Variants in MSX2 observed in about 807,000 individuals in gnomAD.
MSX2 encodes msh homeobox 2.
A neutral mutation model predicts 18.4 loss-of-function variants in MSX2; 10 were observed. That is an observed-to-expected ratio of 0.54 (90% CI 0.34 to 0.92). The LOEUF (loss-of-function observed/expected upper bound fraction) is 0.92, where lower values mean the gene tolerates loss of function less well. Among genes scored for constraint, MSX2 ranks in the 40% least tolerant of loss-of-function variants. MSX2 has a pLI of 0.02. For missense variants in MSX2, 339 were observed against 364.0 expected (o/e 0.93, Z 0.56); for synonymous variants, 170 against 165.6 (o/e 1.03, Z -0.20).
intron 1 of MSX2, among the ~76,000 whole-genome samples, 164 bp from the exon 2 acceptor site, chr5:174,728,995 G>GTATA (rs367836491): frequency 2.0e-5 from 3 of 150,398 alleles, no homozygotes; most frequent in Non-Finnish European, 4.4e-5. Flanking sequence ...GTGTGTGTGT[G>GTATA]TATATGTATG....
rs59742982 is a variant in MSX2 at position 174,728,967 on chromosome 5, ATG to A, written c.380-164_380-163del. On this transcript the variant is annotated intron_variant, in intron 1 of 1. Transcript: ENST00000239243. ...AAAGTATGTCTTTCCATACATAGAT[ATG>A]TGTGTGTGTGTGTGTGTGTGTGTGT... Among the ~76,000 whole-genome samples the A allele has an allele frequency of 0.021, 3,063 of 145,478 alleles. 49 individuals carry two copies. The highest frequency in any genetic ancestry group is 0.027 in the Non-Finnish European group (1,770 of 65,426).
chr5:174,729,026 G>A, intron 1 of MSX2, 133 bp from the exon 2 acceptor site: 1 of 741,078 alleles, frequency 1.3e-6, no homozygotes, highest in African/African-American at 1.8e-5. Context: ...TTTTTTTAAA[G>A]CTAAGTGCTT....
chr5:174,729,176 AC>A lies in MSX2; in HGVS notation c.399del (p.Cys134AlafsTer3). On this transcript the variant is annotated frameshift_variant, in exon 2 of 2. Coordinates refer to ENST00000239243, the MANE Select transcript of MSX2 (RefSeq NM_002449.5). LOFTEE classifies it high-confidence loss of function. ...SPPPRHMSPT[T>X]CTLRKHKTNR... The stretch of plus-strand genomic sequence containing the variant: ...TTCTCTAGGACATATGAGCCCTACC[AC>A]CTGCACCCTGAGGAAACACAAGACC... 6.2e-7 allele frequency: 1 copy of A among 1,613,996 alleles called. No homozygotes were observed. The highest frequency in any genetic ancestry group is 8.5e-7 in the Non-Finnish European group (1 of 1,180,018).
In MSX2 at chr5:174,724,724, C is replaced by G. The variant is rs754048064; in HGVS notation, c.65C>G (p.Ala22Gly). 4.4e-6 allele frequency: 7 copies of G among 1,590,218 alleles called. No homozygotes were observed. The South Asian group carries it at 8.0e-5, about 18-fold the overall frequency. ...SPDEEGPAVV[A>G]GPGPGPGGAE... is the part of the protein sequence containing the mutation. ...GACGAGGAGGGCCCAGCAGTGGTGG[C>G]CGGACCAGGCCCGGGGCCTGGGGGC... Residue 22 changes from alanine to glycine, a missense_variant, in exon 1 of 2, where the codon GCC becomes GGC. Physicochemically the swap from Ala to Gly is moderately conservative, Grantham distance 60 (BLOSUM62 0). Around this residue, in one of 2 missense-constraint regions of MSX2, gnomAD observed 211 missense variants for 185.4 expected, o/e 1.14. Coordinates refer to ENST00000239243, the MANE Select transcript of MSX2 (RefSeq NM_002449.5).
rs764763706 is a variant in MSX2 at position 174,729,129 on chromosome 5, T to G, written c.380-30T>G. The G allele has an allele frequency of 4.4e-6, 7 of 1,607,858 alleles. No homozygotes were observed. In the African/African-American group the frequency reaches 9.4e-5, roughly 21 times the overall value. ...GTATTATTTTAATGTAACTTTCTTT[T>G]GCTAATCCGCTCCTCTCTCTGTTCT... is the stretch of plus-strand genomic sequence containing the variant. On this transcript the variant is annotated intron_variant, in intron 1 of 1. Coordinates refer to ENST00000239243, the MANE Select transcript of MSX2 (RefSeq NM_002449.5).
In MSX2 at chr5:174,729,743, T is replaced by G; in HGVS notation, c.*160T>G. The G allele has an allele frequency of 1.4e-6, 1 of 711,490 alleles. No homozygotes were observed. Among genetic ancestry groups the G allele is most frequent in the South Asian group, 1.7e-5 (1 of 57,604 alleles). The allele number at this position is 711,490 out of a possible 1,614,324, so 44.1% of individuals were successfully genotyped here. On this transcript the variant is annotated 3_prime_UTR_variant, in exon 2 of 2. Coordinates refer to ENST00000239243, the MANE Select transcript of MSX2 (RefSeq NM_002449.5). The stretch of plus-strand genomic sequence containing the variant: ...AGGGCCACACGACATAGCTGAAATT[T>G]GTTCTGTAGGCGGAGGCACCAAGCC...
chr5:174,729,093 G>C (rs1035154415), intron 1 of MSX2, 66 bp from the exon 2 acceptor site: 55 of 1,524,196 alleles, frequency 3.6e-5, no homozygotes, highest in Admixed American at 5.4e-5. Context: ...GGGGGAGATG[G>C]GTTTTTTTTA....
intron 1 of MSX2, 48 bp downstream of exon 1, chr5:174,725,086 G>A (rs745346979): frequency 1.3e-6 from 2 of 1,599,714 alleles, no homozygotes; most frequent in Non-Finnish European, 1.7e-6. Flanking sequence ...GGGTACTGGA[G>A]GGAGCGGGGG....
At chr5:174,725,077 G>A (rs754269248) in intron 1 of MSX2, 39 bp downstream of exon 1, 17 of 1,604,282 alleles carry the variant, frequency 1.1e-5, no homozygotes, top group Admixed American at 1.7e-5. Context: ...GGTAGCGCGG[G>A]GTACTGGAGG....
chr5:174,727,062 C>CA (rs947382651), intron 1 of MSX2, among the ~76,000 whole-genome samples: 30 of 106,316 alleles, frequency 2.8e-4, no homozygotes, highest in African/African-American at 5.3e-4. Context: ...TAAAAAAAAA[C>CA]AAAAAAACAA....
rs10044147 is a variant in MSX2, at chr5:174,730,241, C to T, written c.*658C>T. 0.033 allele frequency: 5,050 copies of T among 151,954 alleles called. 232 individuals are homozygous for T. The highest frequency in any genetic ancestry group is 0.11 in the African/African-American group (4,500 of 41,386). 9.4% of individuals were successfully genotyped at this position (151,954 alleles called of 1,614,324 possible). ...CCGCCCCCCACCGCCCCACCACACA[C>T]ATATTTTTAAAGTTTTTCCTTTTTT... is the stretch of plus-strand genomic sequence containing the variant. On this transcript the variant is annotated 3_prime_UTR_variant, in exon 2 of 2. Coordinates refer to ENST00000239243, the MANE Select transcript of MSX2 (RefSeq NM_002449.5).
Position 174,724,857 on chromosome 5 carries a change from GGCCGAAAGC to G in MSX2, c.202_210del (p.Glu68_Ala70del), listed in dbSNP as rs1760744425. 6.4e-7 allele frequency: 1 copy of G among 1,552,978 alleles called. No individual in the cohort carries two copies. The highest frequency in any genetic ancestry group is 1.4e-5 in the African/African-American group (1 of 73,512). ...CGCCCAAGGAGGCGTCCCCGCTGCCGGCCGAAAGCGCCTCGGCCGGGGCCACCCTGCGGC... is the reference window on the plus strand; with the variant it reads ...CGCCCAAGGAGGCGTCCCCGCTGCCGGCCTCGGCCGGGGCCACCCTGCGGC... On this transcript the variant is annotated inframe_deletion, in exon 1 of 2. Coordinates refer to ENST00000239243, the MANE Select transcript of MSX2 (RefSeq NM_002449.5).
chr5:174,729,787 C>A lies in MSX2; in HGVS notation c.*204C>A, dbSNP rs1760886812. On this transcript the variant is annotated 3_prime_UTR_variant, in exon 2 of 2. Coordinates refer to ENST00000239243, the MANE Select transcript of MSX2 (RefSeq NM_002449.5). ...CCAAGCCCTGTTTTCTTGGTGTAATCTTCCAGATGCCCCCTTTTCCTTTCA... is the reference window on the plus strand; with the variant it reads ...CCAAGCCCTGTTTTCTTGGTGTAATATTCCAGATGCCCCCTTTTCCTTTCA... 7.8e-6 allele frequency: 4 copies of A among 513,388 alleles called. No individual in the cohort carries two copies. Among genetic ancestry groups the A allele is most frequent in the Non-Finnish European group, 1.4e-5 (4 of 288,944 alleles). The allele number at this position is 513,388 out of a possible 1,614,324, so 31.8% of individuals were successfully genotyped here.
Position 174,729,375 on chromosome 5 carries a change from G to A in MSX2, c.596G>A (p.Arg199Lys). The A allele has an allele frequency of 6.2e-7, 1 of 1,614,206 alleles. No homozygotes were observed. The highest frequency in any genetic ancestry group is 2.2e-5 in the East Asian group (1 of 44,874). ...WFQNRRAKAK[R>K]LQEAELEKLK... ...CAGAACCGAAGGGCCAAGGCGAAAA[G>A]ACTGCAGGAGGCAGAACTGGAAAAG... The change falls in exon 2 of 2, where the codon AGA becomes AAA. Residue 199 changes from arginine (R) to lysine (K), a missense_variant. Arg to Lys is a conservative substitution (Grantham distance 26). This residue lies in a region of MSX2 where 128 missense variants were observed against 178.6 expected (regional missense o/e 0.72). Coordinates refer to ENST00000239243, the MANE Select transcript of MSX2 (RefSeq NM_002449.5).
At position 174,729,469 on chromosome 5, in the gene MSX2, G is replaced by A; in HGVS notation, c.690G>A (p.Leu230=). Residue 230 remains leucine (L), a synonymous_variant, in exon 2 of 2, where the codon CTG becomes CTA. Transcript: ENST00000239243. ...FSLPFPISSP[L]QAASIYGASY... The stretch of plus-strand genomic sequence containing the variant: ...TCCCTTTCCCCATCAGCTCGCCCCT[G>A]CAGGCAGCGTCCATATATGGAGCAT... 2 of 1,613,986 alleles carry A rather than the reference G, an allele frequency of 1.2e-6. No individual in the cohort carries two copies. Among genetic ancestry groups the A allele is most frequent in the Non-Finnish European group, 1.7e-6 (2 of 1,179,870 alleles).
chr5:174,728,473 A>G (rs1760850805), intron 1 of MSX2, among the ~76,000 whole-genome samples: 2 of 152,232 alleles, frequency 1.3e-5, no homozygotes, highest in African/African-American at 2.4e-5. Context: ...CAAAGATGCT[A>G]TTAATTTACC....
In MSX2 at chr5:174,729,646, C is replaced by G; in HGVS notation, c.*63C>G. The G allele has an allele frequency of 6.5e-7, 1 of 1,549,316 alleles. No homozygotes were observed. On this transcript the variant is annotated 3_prime_UTR_variant, in exon 2 of 2. Coordinates refer to ENST00000239243, the MANE Select transcript of MSX2 (RefSeq NM_002449.5). Reference sequence around the variant, plus strand: ...TTTCAAAGGGTTTCCTCTCCCTCTCCACGAAGGCAGTACCAGCCAGTACTC... The same window carrying G: ...TTTCAAAGGGTTTCCTCTCCCTCTCGACGAAGGCAGTACCAGCCAGTACTC...
rs1196261944 is a variant in MSX2, at chr5:174,729,486, A to G, written c.707A>G (p.Tyr236Cys). 2 of 1,613,876 alleles carry G rather than the reference A, an allele frequency of 1.2e-6. No individual in the cohort carries two copies. The highest frequency in any genetic ancestry group is 1.7e-6 in the Non-Finnish European group (2 of 1,179,850). The change falls in exon 2 of 2, where the codon TAT (tyrosine) becomes TGT (cysteine). Residue 236 changes from tyrosine (Y) to cysteine (C), a missense_variant. Coordinates refer to ENST00000239243, the MANE Select transcript of MSX2 (RefSeq NM_002449.5). ...TCGCCCCTGCAGGCAGCGTCCATAT[A>G]TGGAGCATCCTACCCGTTCCATAGA... ...ISSPLQAASIYGASYPFHRPV... is the reference protein window; with the variant it reads ...ISSPLQAASICGASYPFHRPV...
chr5:174,726,857 C>T (rs1212301907), intron 1 of MSX2, among the ~76,000 whole-genome samples: 2 of 152,130 alleles, frequency 1.3e-5, no homozygotes, highest in Non-Finnish European at 2.9e-5. Context: ...GGAATCCTGC[C>T]ATCCTTTAGG....
Sources: allele counts gnomAD v4.1 joint callset (sites outside exome capture counted in the v4.1 genomes callset), GRCh38; gene constraint gnomAD v4.1.1; regional missense constraint gnomAD v4.1.1; transcripts MANE v1.5; gene names NCBI Gene and HGNC (gene_info 2026-07-23, HGNC 2026-07-21).